The following SDF2 variants were observed in gnomAD, a reference collection of about 807,000 sequenced individuals.
SDF2 encodes the protein stromal cell-derived factor 2.
A neutral mutation model predicts 20.5 loss-of-function variants in SDF2; 12 were observed. The observed-to-expected ratio is 0.58, with a 90% CI of 0.37 to 0.95. The LOEUF (loss-of-function observed/expected upper bound fraction) is 0.95, where lower values mean the gene tolerates loss of function less well. SDF2 is among the 40% of genes least tolerant of loss of function. The pLI is 0.01. For synonymous variants in SDF2, 100 were observed against 101.0 expected (o/e 0.99, Z 0.06); for missense variants, 238 against 263.1 (o/e 0.90, Z 0.66).
intron 1 of SDF2, chr17:28,656,430 A>C (rs2071963278): frequency 6.6e-6 from 1 of 152,076 alleles, no homozygotes; most frequent in South Asian, 2.1e-4. Flanking sequence ...TTTACTAAAA[A>C]TACAAAAATT....
intron 2 of SDF2, chr17:28,651,414 A>G (rs1567675954): frequency 6.6e-6 from 1 of 152,216 alleles, no homozygotes; most frequent in African/African-American, 2.4e-5. Flanking sequence ...TTACTGCTTC[A>G]TTCTCTTAAC....
intron 1 of SDF2, among the ~76,000 whole-genome samples, chr17:28,659,524 G>A (rs531957060): frequency 3.2e-4 from 46 of 144,722 alleles, no homozygotes; most frequent in African/African-American, 1.1e-3. Flanking sequence ...CCACTTCCCA[G>A]ATGGGGTGGC....
intron 1 of SDF2, among the ~76,000 whole-genome samples, chr17:28,659,875 G>A (rs1054618950): frequency 5.3e-5 from 8 of 152,240 alleles, no homozygotes; most frequent in African/African-American, 1.4e-4. Flanking sequence ...AGCACTTTGG[G>A]AGGCCAAGGC....
chr17:28,659,981 G>A (rs1200285569), intron 1 of SDF2, among the ~76,000 whole-genome samples: 1 of 152,252 alleles, frequency 6.6e-6, no homozygotes, highest in Admixed American at 6.5e-5. Flanking sequence ...GACTCCATCT[G>A]CAATCCCAGC....
At chr17:28,650,472 CTTT>C (rs910535322) in intron 2 of SDF2, among the ~76,000 whole-genome samples, 1 of 148,356 alleles carries the variant, frequency 6.7e-6, no homozygotes, top group African/African-American at 2.5e-5. Context: ...AACAGAATTT[CTTT>C]TTTTTTTCTT....
chr17:28,649,941 T>TTTTA (rs750927167), intron 2 of SDF2, among the ~76,000 whole-genome samples: 112 of 151,128 alleles, frequency 7.4e-4, no homozygotes, highest in Non-Finnish European at 1.1e-3. Context: ...AGTGTTGTTA[T>TTTTA]TTTATTTATT....
Position 28,649,274 on chromosome 17 carries a change from T to C in SDF2, c.351A>G (p.Glu117=), listed in dbSNP as rs750039321. 1.2e-6 allele frequency: 2 copies of C among 1,613,176 alleles called. No homozygotes were observed. Among genetic ancestry groups the C allele is most frequent in the Non-Finnish European group, 1.7e-6 (2 of 1,179,728 alleles). Residue 117 remains glutamate (E), a splice_region_variant and synonymous_variant, in exon 3 of 3, where the codon GAA becomes GAG. Coordinates refer to ENST00000247020, the MANE Select transcript of SDF2 (RefSeq NM_006923.4). ...CACCTTCCTCACCAAAAGCACTCACTTCCTAGAAAATACAGAAGGTAGTAA... is the reference window on the plus strand; with the variant it reads ...CACCTTCCTCACCAAAAGCACTCACCTCCTAGAAAATACAGAAGGTAGTAA... ...HFTSPLSGNQ[E]VSAFGEEGEG... is the part of the protein sequence containing the mutation.
In SDF2 at chr17:28,661,670, C is replaced by A. The variant is rs1013138903; in HGVS notation, c.151+56G>T. The stretch of plus-strand genomic sequence containing the variant: ...CTGTCAGATATTCTATAGGCCCCGC[C>A]CCTCCAGAGCCTCCGAGTCCTCCCT... On this transcript the variant is annotated intron_variant, in intron 1 of 2. Transcript: ENST00000247020. 8.3e-6 allele frequency: 13 copies of A among 1,569,382 alleles called. No homozygotes were observed. In the Admixed American group the frequency reaches 2.1e-4, roughly 25 times the overall value.
intron 2 of SDF2, among the ~76,000 whole-genome samples, chr17:28,652,319 AT>A (rs200427854): frequency 6.6e-6 from 1 of 151,422 alleles, no homozygotes; most frequent in Non-Finnish European, 1.5e-5. Context: ...TATTTTTTTA[AT>A]TTTTTTTTGA....
In SDF2 at chr17:28,661,737, C is replaced by A; in HGVS notation, c.140G>T (p.Arg47Leu). The change falls in exon 1 of 3, where the codon CGC (arginine) becomes CTC (leucine). Residue 47 changes from arginine (R) to leucine (L), a missense_variant. Arg to Leu is a moderately radical substitution (Grantham distance 102). Transcript: ENST00000247020. Reference sequence around the variant, plus strand: ...GTCCCCAGCATTACCTGACCCATAGCGCACGTCGTGTGAGTGCAGTCGGAC... The same window carrying A: ...GTCCCCAGCATTACCTGACCCATAGAGCACGTCGTGTGAGTGCAGTCGGAC... ...HNVRLHSHDVRYGSGSGQQSV... is the reference protein window; with the variant it reads ...HNVRLHSHDVLYGSGSGQQSV... The A allele has an allele frequency of 6.2e-7, 1 of 1,613,734 alleles. No homozygotes were observed. Among genetic ancestry groups the A allele is most frequent in the South Asian group, 1.1e-5 (1 of 91,070 alleles).
Position 28,649,153 on chromosome 17 carries a change from G to C in SDF2, c.472C>G (p.Leu158Val), listed in dbSNP as rs1241339763. ...TATTGTTCTCCTGTGACAGACAGCA[G>C]TACCTCAGTGGAAGAGTGTTTGAAC... is the stretch of plus-strand genomic sequence containing the variant. ...VRFKHSSTEV[L>V]LSVTGEQYGR... The change falls in exon 3 of 3, where the codon CTG becomes GTG. Residue 158 changes from leucine (L) to valine (V), a missense_variant. Physicochemically the swap from Leu to Val is conservative, Grantham distance 32. Coordinates refer to ENST00000247020, the MANE Select transcript of SDF2 (RefSeq NM_006923.4). 1 of 1,614,114 alleles carries C rather than the reference G, an allele frequency of 6.2e-7. No individual in the cohort carries two copies. Among genetic ancestry groups the C allele is most frequent in the Non-Finnish European group, 8.5e-7 (1 of 1,180,056 alleles).
At chr17:28,653,131 T>C (rs1400474224) in intron 2 of SDF2, among the ~76,000 whole-genome samples, 2 of 152,176 alleles carry the variant, frequency 1.3e-5, no homozygotes, top group Non-Finnish European at 2.9e-5. Context: ...GTGACTTTCT[T>C]CCAAAAAGTG....
chr17:28,661,033 C>A, intron 1 of SDF2: 1 of 372,546 alleles, frequency 2.7e-6, no homozygotes, highest in South Asian at 2.1e-5. Context: ...AAGACCTATG[C>A]TGAATGAATC....
intron 1 of SDF2, among the ~76,000 whole-genome samples, chr17:28,658,483 T>C (rs12936403): frequency 6.6e-6 from 1 of 152,202 alleles, no homozygotes; most frequent in African/African-American, 2.4e-5. Context: ...TGCCTTCAAG[T>C]ATCTGTTTAA....
At chr17:28,653,496 T>C (rs1211681158) in intron 2 of SDF2, among the ~76,000 whole-genome samples, 1 of 152,180 alleles carries the variant, frequency 6.6e-6, no homozygotes, top group Non-Finnish European at 1.5e-5. Flanking sequence ...TGTGGTATTT[T>C]GGAATGGAAA....
chr17:28,650,037 C>G lies in SDF2; in HGVS notation c.349-761G>C, dbSNP rs888556996. Among the ~76,000 whole-genome samples the G allele has an allele frequency of 8.5e-5, 13 of 152,240 alleles. No homozygotes were observed. In the East Asian group the frequency reaches 2.5e-3, roughly 29 times the overall value. On this transcript the variant is annotated intron_variant, in intron 2 of 2. Coordinates refer to ENST00000247020, the MANE Select transcript of SDF2 (RefSeq NM_006923.4). ...GCGCAATCTCGGCTCACCACAACCT[C>G]CGCCTCCCAGGTTCAAGTGATTTTC...
intron 2 of SDF2, among the ~76,000 whole-genome samples, chr17:28,653,411 T>C (rs2071930425): frequency 6.6e-6 from 1 of 152,106 alleles, no homozygotes; most frequent in Admixed American, 6.5e-5. Flanking sequence ...GCTGTCAAGG[T>C]CATCAAAAAC....
chr17:28,660,095 C>A (rs1209085637), intron 1 of SDF2, among the ~76,000 whole-genome samples: 1 of 152,218 alleles, frequency 6.6e-6, no homozygotes, highest in Non-Finnish European at 1.5e-5. Context: ...GAAAACCAGT[C>A]AGGCATGGCG....
chr17:28,659,954 G>A (rs1192770236), intron 1 of SDF2, among the ~76,000 whole-genome samples: 1 of 152,232 alleles, frequency 6.6e-6, no homozygotes, highest in East Asian at 1.9e-4. Flanking sequence ...GGGCAACACT[G>A]AGCACTGAGT....
Sources: allele counts gnomAD v4.1 joint callset (sites outside exome capture counted in the v4.1 genomes callset), GRCh38; gene constraint gnomAD v4.1.1; transcripts MANE v1.5; gene names NCBI Gene and HGNC (gene_info 2026-07-23, HGNC 2026-07-21).